Variants in CCDC73 observed in about 807,000 individuals in gnomAD.
The protein encoded by CCDC73 is coiled-coil domain containing 73.
In CCDC73, 95 loss-of-function variants were observed where a neutral mutation model predicts 116.5. The observed-to-expected ratio is 0.82, with a 90% CI of 0.69 to 0.97. The LOEUF (loss-of-function observed/expected upper bound fraction) is 0.97. Ranked by LOEUF, CCDC73 falls within the 50% of genes least tolerant of loss-of-function variation. The probability of loss-of-function intolerance (pLI) is 0.00; values close to 1 mark genes in which losing one functional copy is unlikely to be tolerated. For missense variants in CCDC73, 1,066 were observed against 1,206.8 expected, an observed-to-expected ratio of 0.88 and a Z score of 1.73; for synonymous variants, 398 against 401.3, an observed-to-expected ratio of 0.99 and a Z score of 0.10.
chr11:32,604,875 CAG>C (rs142311812), intron 17 of CCDC73: 4,548 of 152,088 alleles, frequency 0.03, 86 homozygotes, highest in Non-Finnish European at 0.039. Context: ...ATTTTTGAGA[CAG>C]AGTCTTGCAC....
intron 1 of CCDC73, among the ~76,000 whole-genome samples, chr11:32,790,029 G>A (rs562076672): frequency 6.6e-6 from 1 of 152,248 alleles, no homozygotes; most frequent in East Asian, 1.9e-4. Context: ...ATAAGTAAAG[G>A]CAGAGATGGA....
intron 14 of CCDC73, among the ~76,000 whole-genome samples, chr11:32,626,628 G>T (rs1290882012): frequency 6.6e-6 from 1 of 152,026 alleles, no homozygotes; most frequent in Non-Finnish European, 1.5e-5. Flanking sequence ...CCAAAACAGA[G>T]ATATAGACCA....
At chr11:32,698,160 G>A (rs1849773833) in intron 6 of CCDC73, among the ~76,000 whole-genome samples, 2 of 151,708 alleles carry the variant, frequency 1.3e-5, no homozygotes, top group South Asian at 4.2e-4. Flanking sequence ...GAGTAGCTGG[G>A]ACTACAGGCG....
chr11:32,811,077 C>CA, the CCDC73 span, among the ~76,000 whole-genome samples: 25,980 of 144,752 alleles, frequency 0.18, 2,784 homozygotes, highest in East Asian at 0.52. Context: ...ACAACAACAA[C>CA]AAAAAAAAAA....
intron 2 of CCDC73, among the ~76,000 whole-genome samples, chr11:32,759,120 A>G (rs1047903385): frequency 3.3e-5 from 5 of 151,730 alleles, no homozygotes; most frequent in African/African-American, 1.2e-4. Flanking sequence ...CTTCTGTTCT[A>G]TCTTCATGGT....
intron 7 of CCDC73, among the ~76,000 whole-genome samples, chr11:32,678,882 C>CAAAAAA (rs55859897): frequency 7.6e-6 from 1 of 131,306 alleles, no homozygotes. Flanking sequence ...GGCTCCGTCA[C>CAAAAAA]AAAAAAAAAA....
intron 2 of CCDC73, among the ~76,000 whole-genome samples, chr11:32,720,441 T>C (rs1339790063): frequency 6.6e-6 from 1 of 152,190 alleles, no homozygotes. Flanking sequence ...AAAGACTGAA[T>C]GCTTTCCCTT....
chr11:32,702,705 T>C (rs931522590), intron 4 of CCDC73, among the ~76,000 whole-genome samples, 168 bp downstream of exon 4: 2 of 152,226 alleles, frequency 1.3e-5, no homozygotes, highest in Admixed American at 6.5e-5. Context: ...TTACATTCTA[T>C]TGTCAGTTGT....
At chr11:32,727,388 C>CATA (rs1270663033) in intron 2 of CCDC73, among the ~76,000 whole-genome samples, 2 of 152,126 alleles carry the variant, frequency 1.3e-5, no homozygotes, top group Non-Finnish European at 2.9e-5. Flanking sequence ...GGTGTTGGGG[C>CATA]ATAGAATTAA....
chr11:32,740,256 G>C (rs372887905), intron 2 of CCDC73, among the ~76,000 whole-genome samples: 4 of 151,976 alleles, frequency 2.6e-5, no homozygotes, highest in South Asian at 4.2e-4. Flanking sequence ...GGAATAGTTT[G>C]AGTAGAATTG....
chr11:32,686,009 C>T (rs923376293), intron 6 of CCDC73, among the ~76,000 whole-genome samples: 2 of 151,630 alleles, frequency 1.3e-5, no homozygotes, highest in East Asian at 1.9e-4. Flanking sequence ...CGTGAGCCAC[C>T]GCGCCAGGCC....
chr11:32,654,537 T>C (rs764651300), intron 10 of CCDC73, among the ~76,000 whole-genome samples: 5 of 152,178 alleles, frequency 3.3e-5, no homozygotes, highest in Non-Finnish European at 5.9e-5. Context: ...AGATTTTATA[T>C]ACCAACAAAG....
chr11:32,632,763 T>C (rs1855643184), intron 14 of CCDC73, among the ~76,000 whole-genome samples: 1 of 151,952 alleles, frequency 6.6e-6, no homozygotes, highest in Admixed American at 6.6e-5. Flanking sequence ...TATACTTTAC[T>C]AAAATATATA....
At chr11:32,796,070 T>C (rs1270211677), upstream of CCDC73, among the ~76,000 whole-genome samples, 3 of 152,196 alleles carry the variant, frequency 2.0e-5, no homozygotes, top group Non-Finnish European at 4.4e-5. Context: ...TCTCCAAGCG[T>C]TTGCCCAGAT....
chr11:32,786,347 ATTT>A (rs1479874427), intron 1 of CCDC73, among the ~76,000 whole-genome samples: 1 of 144,998 alleles, frequency 6.9e-6, no homozygotes, highest in Non-Finnish European at 1.5e-5. Flanking sequence ...ATACTCAAGT[ATTT>A]ATTATATAAT....
At chr11:32,700,048 C>T (rs1053187515) in intron 5 of CCDC73, among the ~76,000 whole-genome samples, 29 of 151,652 alleles carry the variant, frequency 1.9e-4, no homozygotes, top group African/African-American at 6.5e-4. Flanking sequence ...AATAGAATGT[C>T]TTATTATAAT....
At chr11:32,699,128 A>G in intron 6 of CCDC73, 123 bp downstream of exon 6, 1 of 1,043,214 alleles carries the variant, frequency 9.6e-7, no homozygotes, top group African/African-American at 1.7e-5. Context: ...GTATTAAATT[A>G]TGTAATATAT....
intron 12 of CCDC73, among the ~76,000 whole-genome samples, chr11:32,647,100 T>C (rs1855785209): frequency 2.0e-5 from 3 of 152,216 alleles, no homozygotes. Flanking sequence ...TATTAGGTTG[T>C]TCTTGCATTG....
the CCDC73 span, among the ~76,000 whole-genome samples, chr11:32,803,465 G>T: frequency 0.59 from 89,094 of 152,050 alleles, 26,446 homozygotes; most frequent in East Asian, 0.85. Context: ...GCACCTTTTA[G>T]TAAATATTAA....
Sources: allele counts gnomAD v4.1 joint callset (sites outside exome capture counted in the v4.1 genomes callset), GRCh38; gene constraint gnomAD v4.1.1; transcripts MANE v1.5; gene names NCBI Gene and HGNC (gene_info 2026-07-23, HGNC 2026-07-21).